The following STK32B variants were observed in gnomAD, a reference collection of about 807,000 sequenced individuals.
STK32B encodes serine/threonine-protein kinase 32B.
In STK32B, 43 loss-of-function variants were observed where a neutral mutation model predicts 52.6. The ratio of observed to expected loss-of-function variants is 0.82; its 90% CI spans 0.64 to 1.05. The LOEUF (loss-of-function observed/expected upper bound fraction) is 1.05, where lower values mean the gene tolerates loss of function less well. Ranked by LOEUF, STK32B falls within the 50% of genes least tolerant of loss-of-function variation. The probability of loss-of-function intolerance (pLI) is 0.00; values close to 1 mark genes in which losing one functional copy is unlikely to be tolerated. For missense variants in STK32B, 621 were observed against 534.6 expected, an observed-to-expected ratio of 1.16 and a Z score of -1.59; for synonymous variants, 238 against 204.3, an observed-to-expected ratio of 1.17 and a Z score of -1.41.
intron 6 of STK32B, among the ~76,000 whole-genome samples, chr4:5,444,638 C>T (rs1715213550): frequency 6.6e-6 from 1 of 152,190 alleles, no homozygotes; most frequent in African/African-American, 2.4e-5. Context: ...CCGCCTTGGG[C>T]ATTCTTAAGG....
At chr4:5,178,978 C>A (rs185049030) in intron 3 of STK32B, among the ~76,000 whole-genome samples, 1 of 152,318 alleles carries the variant, frequency 6.6e-6, no homozygotes, top group East Asian at 1.9e-4. Flanking sequence ...TATAGCGGTG[C>A]CTTACTGCCT....
intron 3 of STK32B, among the ~76,000 whole-genome samples, chr4:5,230,335 G>A (rs1429583446): frequency 4.0e-5 from 6 of 151,554 alleles, no homozygotes; most frequent in East Asian, 3.9e-4. Context: ...GACTACAGGC[G>A]CCTGCCACCA....
chr4:5,142,099 G>T (rs1306834364), intron 2 of STK32B, among the ~76,000 whole-genome samples: 1 of 152,200 alleles, frequency 6.6e-6, no homozygotes, highest in African/African-American at 2.4e-5. Context: ...GATAGTTTGG[G>T]TGGGCACAGA....
chr4:5,325,866 A>G (rs1731840400), intron 3 of STK32B, among the ~76,000 whole-genome samples: 1 of 152,224 alleles, frequency 6.6e-6, no homozygotes, highest in African/African-American at 2.4e-5. Flanking sequence ...AAAAGGGACA[A>G]TGTCACAAAG....
rs551701233 is a variant in STK32B at position 5,055,139 on chromosome 4, G to A, written c.52+3224G>A. Among the ~76,000 whole-genome samples, 4 of 152,236 alleles carry A rather than the reference G, an allele frequency of 2.6e-5. No homozygotes were observed. The East Asian group carries it at 7.7e-4, about 29-fold the overall frequency. On this transcript the variant is annotated intron_variant, in intron 1 of 11. Transcript: ENST00000282908. ...AGGTCTCACTCTGTCACCCAGGCTGGAGGGCAGTGGTGGGATCTTAGCTCA... is the reference window on the plus strand; with the variant it reads ...AGGTCTCACTCTGTCACCCAGGCTGAAGGGCAGTGGTGGGATCTTAGCTCA...
At chr4:5,411,818 A>G (rs1277085139) in intron 5 of STK32B, among the ~76,000 whole-genome samples, 1 of 152,158 alleles carries the variant, frequency 6.6e-6, no homozygotes, top group East Asian at 1.9e-4. Context: ...GTGGGAAAGA[A>G]ATGGCTGTTG....
chr4:5,061,905 G>A (rs1742231919), intron 1 of STK32B, among the ~76,000 whole-genome samples: 1 of 152,134 alleles, frequency 6.6e-6, no homozygotes, highest in African/African-American at 2.4e-5. Flanking sequence ...CACTTGCTGT[G>A]CCCATTTCTT....
intron 3 of STK32B, among the ~76,000 whole-genome samples, chr4:5,181,354 A>G (rs962366093): frequency 1.4e-5 from 2 of 145,660 alleles, no homozygotes; most frequent in African/African-American, 2.5e-5. Flanking sequence ...ACACACACAC[A>G]CACACACACA....
chr4:5,357,088 T>TACAC (rs33916543), intron 4 of STK32B, among the ~76,000 whole-genome samples: 40 of 148,804 alleles, frequency 2.7e-4, no homozygotes, highest in South Asian at 1.3e-3. Flanking sequence ...CACACACGTA[T>TACAC]ACACACACAC....
chr4:5,190,457 C>T (rs533973547), intron 3 of STK32B, among the ~76,000 whole-genome samples: 18 of 152,148 alleles, frequency 1.2e-4, no homozygotes, highest in African/African-American at 3.4e-4. Context: ...TTGACTAGTG[C>T]GATCAGAGTG....
chr4:5,494,690 G>T (rs1720063370), intron 11 of STK32B, among the ~76,000 whole-genome samples: 1 of 152,146 alleles, frequency 6.6e-6, no homozygotes. Flanking sequence ...TTACATTTTG[G>T]CATGATGTTG....
intron 3 of STK32B, among the ~76,000 whole-genome samples, chr4:5,265,153 C>G (rs963586235): frequency 6.6e-6 from 1 of 152,178 alleles, no homozygotes; most frequent in African/African-American, 2.4e-5. Context: ...TTGTTCCAGT[C>G]CTAAATGTCA....
chr4:5,280,744 A>G (rs28857180), intron 3 of STK32B, among the ~76,000 whole-genome samples: 5,645 of 151,936 alleles, frequency 0.037, 179 homozygotes, highest in African/African-American at 0.072. Flanking sequence ...AAAACACACA[A>G]AAAAATTAGC....
intron 3 of STK32B, among the ~76,000 whole-genome samples, chr4:5,314,003 T>C (rs1216117284): frequency 1.3e-5 from 2 of 152,188 alleles, no homozygotes; most frequent in African/African-American, 4.8e-5. Flanking sequence ...ACAGTTGTCC[T>C]CTAAGTGATT....
chr4:5,345,392 T>C (rs1319580662), intron 4 of STK32B: 1 of 152,060 alleles, frequency 6.6e-6, no homozygotes, highest in Non-Finnish European at 1.5e-5. Flanking sequence ...CCTGTTCCCA[T>C]GGACCACTTA....
At position 5,335,318 on chromosome 4, in the gene STK32B, A is replaced by G. The variant is rs534596366; in HGVS notation, c.434+3925A>G. 5.3e-3 allele frequency among the ~76,000 whole-genome samples: 806 copies of G among 152,026 alleles called. 6 individuals are homozygous for G. The highest frequency in any genetic ancestry group is 0.027 in the Middle Eastern group (8 of 294). On this transcript the variant is annotated intron_variant, in intron 4 of 11. Transcript: ENST00000282908. ...AGTTTGTATTTCTGTGGGATCAGTG[A>G]TGATATCCCCTTTATCATTTTTTAT...
intron 11 of STK32B, among the ~76,000 whole-genome samples, chr4:5,497,928 C>A (rs1399330941): frequency 6.6e-6 from 1 of 152,110 alleles, no homozygotes; most frequent in East Asian, 1.9e-4. Flanking sequence ...CAGGCTAAAA[C>A]CTCTTTTTCA....
intron 1 of STK32B, among the ~76,000 whole-genome samples, chr4:5,130,225 C>T (rs528780709): frequency 2.6e-5 from 4 of 151,690 alleles, no homozygotes; most frequent in South Asian, 2.1e-4. Context: ...CATGACCAGG[C>T]GTTCCAGGCA....
chr4:5,239,352 G>A (rs749840378), intron 3 of STK32B, among the ~76,000 whole-genome samples: 3 of 152,176 alleles, frequency 2.0e-5, no homozygotes, highest in Non-Finnish European at 4.4e-5. Flanking sequence ...AAGCCAAGCA[G>A]TCAATAGAAT....
Sources: gnomAD v4.1 joint callset for allele counts (sites outside exome capture counted in the v4.1 genomes callset) on GRCh38, gnomAD v4.1.1 for gene constraint, MANE v1.5 for transcripts, NCBI Gene and HGNC (gene_info 2026-07-23, HGNC 2026-07-21) for gene names.